MYOM3: variants seen among roughly 807,000 people sequenced by gnomAD.
MYOM3 encodes myomesin 3.
A neutral mutation model predicts 191.7 loss-of-function variants in MYOM3; 155 were observed. The observed-to-expected ratio is 0.81, with a 90% CI of 0.71 to 0.92. The LOEUF is 0.92. Among genes scored for constraint, MYOM3 ranks in the 40% least tolerant of loss-of-function variants. The pLI is 0.00. For missense variants in MYOM3, 1,889 were observed against 1,890.6 expected, an observed-to-expected ratio of 1.00 and a Z score of 0.02; for synonymous variants, 757 against 762.9, an observed-to-expected ratio of 0.99 and a Z score of 0.13.
rs535512124 is a variant in MYOM3 at position 24,075,484 on chromosome 1, G to A, written c.2702-9C>T. The A allele has an allele frequency of 6.4e-6, 10 of 1,554,950 alleles. No individual in the cohort carries two copies. The East Asian group carries it at 9.1e-5, about 14-fold the overall frequency. On this transcript the variant is annotated splice_polypyrimidine_tract_variant and intron_variant, in intron 21 of 36. Transcript: ENST00000374434. ...CTCGATCTCATGGGCACCTGAGGGC[G>A]AGATCCAACAGAGGGCAGCGGATGT...
intron 5 of MYOM3, among the ~76,000 whole-genome samples, chr1:24,100,258 TG>T (rs1256982231): frequency 6.6e-6 from 1 of 152,198 alleles, no homozygotes; most frequent in Non-Finnish European, 1.5e-5. Context: ...ACTCGTGAAA[TG>T]GCGGTATGAG....
rs1476281949 is a variant in MYOM3, at chr1:24,082,130, G to A, written c.2151C>T (p.Val717=). 2 of 1,613,614 alleles carry A rather than the reference G, an allele frequency of 1.2e-6. No individual in the cohort carries two copies. Among genetic ancestry groups the A allele is most frequent in the African/African-American group, 2.7e-5 (2 of 74,910 alleles). The change falls in exon 18 of 37, where the codon GTC becomes GTT. Residue 717 remains valine, a synonymous_variant. Transcript: ENST00000374434. ...ALLNCGKNEM[V]IGWKPPKRRG... ...GACGCTTGGGGGGTTTCCACCCAAT[G>A]ACCATTTCATTCTTCCCGCAGTTCA...
chr1:24,074,115 A>G, intron 23 of MYOM3, 45 bp downstream of exon 23: 1 of 1,481,614 alleles, frequency 6.7e-7, no homozygotes, highest in Non-Finnish European at 9.4e-7. Context: ...TGTGTTTGGG[A>G]CTCTCTCTCT....
chr1:24,066,759 C>T (rs914948370), intron 28 of MYOM3: 5 of 490,390 alleles, frequency 1.0e-5, no homozygotes, highest in African/African-American at 2.0e-5. Flanking sequence ...CCCCCTGACC[C>T]CTCAGAACCC....
At chr1:24,100,753 G>A (rs1324503044) in intron 5 of MYOM3, among the ~76,000 whole-genome samples, 1 of 152,116 alleles carries the variant, frequency 6.6e-6, no homozygotes, top group African/African-American at 2.4e-5. Context: ...CGGGCGTGGT[G>A]GCGGGCGCCT....
At chr1:24,062,147 T>C (rs1253334918) in intron 32 of MYOM3, 38 bp from the exon 33 acceptor site, 6 of 1,609,600 alleles carry the variant, frequency 3.7e-6, no homozygotes, top group Non-Finnish European at 8.5e-7. Flanking sequence ...AGGCTGCCTG[T>C]CTGCAGGTCA....
rs1643712108 is a variant in MYOM3 at position 24,084,517 on chromosome 1, C to T, written c.1921G>A (p.Gly641Arg). ...LGYYIYSRKV[G>R]TSEWQTVNNK... ...TTAACTGTTTGCCACTCAGATGTCC[C>T]CACCTTCCGGGAGTAGATGTAATAA... Residue 641 changes from glycine (G) to arginine (R), a missense_variant, in exon 16 of 37, where the codon GGG (glycine) becomes AGG (arginine). Coordinates refer to ENST00000374434, the MANE Select transcript of MYOM3 (RefSeq NM_152372.4). 3 of 1,614,158 alleles carry T rather than the reference C, an allele frequency of 1.9e-6. No individual in the cohort carries two copies. Among genetic ancestry groups the T allele is most frequent in the African/African-American group, 2.7e-5 (2 of 75,036 alleles).
rs759245902 is a variant in MYOM3, at chr1:24,107,978, G to C, written c.242+15C>G. ...CTCCTCAGCCACGGCTCCCTGGGAA[G>C]CTTCTCTGACTCACCAAGACAGCTC... On this transcript the variant is annotated intron_variant, in intron 3 of 36. Transcript: ENST00000374434. 4 of 1,608,804 alleles carry C rather than the reference G, an allele frequency of 2.5e-6. No individual in the cohort carries two copies. The African/African-American group carries it at 5.4e-5, about 22-fold the overall frequency.
chr1:24,080,669 G>A (rs1643656363), intron 19 of MYOM3, among the ~76,000 whole-genome samples: 1 of 152,192 alleles, frequency 6.6e-6, no homozygotes, highest in Non-Finnish European at 1.5e-5. Context: ...GCTTTTGTGA[G>A]CATTAGTGAG....
intron 19 of MYOM3, among the ~76,000 whole-genome samples, chr1:24,080,538 T>C (rs1643654217): frequency 6.6e-6 from 1 of 152,196 alleles, no homozygotes; most frequent in African/African-American, 2.4e-5. Context: ...GTCAGACCTC[T>C]GGGGTTCATG....
intron 9 of MYOM3, among the ~76,000 whole-genome samples, chr1:24,093,705 A>G (rs2148556841): frequency 6.6e-6 from 1 of 152,076 alleles, no homozygotes; most frequent in African/African-American, 2.4e-5. Flanking sequence ...CCCCATGTGA[A>G]GGATCCGCCC....
At chr1:24,069,953 A>G (rs1158091614) in intron 25 of MYOM3, among the ~76,000 whole-genome samples, 3 of 152,148 alleles carry the variant, frequency 2.0e-5, no homozygotes, top group African/African-American at 7.2e-5. Flanking sequence ...CTGGAGATGA[A>G]ATTCACAAAT....
chr1:24,058,487 T>G (rs1395685087), intron 36 of MYOM3, among the ~76,000 whole-genome samples: 1 of 152,152 alleles, frequency 6.6e-6, no homozygotes, highest in Non-Finnish European at 1.5e-5. Context: ...AAAACCCTAT[T>G]TCATGTGATT....
chr1:24,103,688 T>C (rs972213548), intron 5 of MYOM3, among the ~76,000 whole-genome samples: 5 of 152,208 alleles, frequency 3.3e-5, no homozygotes, highest in South Asian at 4.1e-4. Context: ...GCAAGGTCAC[T>C]AGGCAGATAA....
chr1:24,083,517 T>C (rs1379632778), intron 16 of MYOM3: 2 of 152,372 alleles, frequency 1.3e-5, no homozygotes, highest in Non-Finnish European at 2.9e-5. Context: ...CGACTTTACT[T>C]TGTGATTGTG....
chr1:24,064,501 T>C (rs566233353), intron 29 of MYOM3, among the ~76,000 whole-genome samples: 1 of 152,290 alleles, frequency 6.6e-6, no homozygotes, highest in African/African-American at 2.4e-5. Context: ...GCAGAGCTTG[T>C]CTGGGCCTGG....
chr1:24,072,029 G>A lies in MYOM3; in HGVS notation c.2969-16C>T, dbSNP rs757369654. 4 of 1,613,936 alleles carry A rather than the reference G, an allele frequency of 2.5e-6. No homozygotes were observed. Among genetic ancestry groups the A allele is most frequent in the Non-Finnish European group, 3.4e-6 (4 of 1,179,780 alleles). On this transcript the variant is annotated splice_polypyrimidine_tract_variant and intron_variant, in intron 23 of 36. Coordinates refer to ENST00000374434, the MANE Select transcript of MYOM3 (RefSeq NM_152372.4). The stretch of plus-strand genomic sequence containing the variant: ...TTCTCCAGCTCTGGGATAGGGGGAA[G>A]TGAGGAAGAAACCAGAGAGAATGAA...
At chr1:24,088,704 C>A (rs1376658535) in intron 14 of MYOM3, among the ~76,000 whole-genome samples, 1 of 152,236 alleles carries the variant, frequency 6.6e-6, no homozygotes, top group African/African-American at 2.4e-5. Flanking sequence ...TAAACATTTT[C>A]TGTCCACCTA....
chr1:24,066,576 G>A (rs961004477), intron 28 of MYOM3: 13 of 373,494 alleles, frequency 3.5e-5, no homozygotes, highest in East Asian at 1.6e-4. Context: ...CCCTCTTACC[G>A]TGTGGCCTTG....
Sources: gnomAD v4.1 joint callset for allele counts (sites outside exome capture counted in the v4.1 genomes callset) on GRCh38, gnomAD v4.1.1 for gene constraint, MANE v1.5 for transcripts, NCBI Gene and HGNC (gene_info 2026-07-23, HGNC 2026-07-21) for gene names.